Variants in HP1BP3 observed in about 807,000 individuals in gnomAD.
HP1BP3 encodes heterochromatin protein 1 binding protein 3, also known as heterochromatin protein 1-binding protein 3.
In HP1BP3, 12 loss-of-function variants were observed where a neutral mutation model predicts 62.5. The ratio of observed to expected loss-of-function variants is 0.19; its 90% CI spans 0.12 to 0.31. The LOEUF (loss-of-function observed/expected upper bound fraction) is 0.31, where lower values mean the gene tolerates loss of function less well. Among genes scored for constraint, HP1BP3 ranks in the 10% least tolerant of loss-of-function variants. The pLI, the probability that HP1BP3 is intolerant of heterozygous loss-of-function variation, is 1.00. For synonymous variants in HP1BP3, 260 were observed against 237.8 expected, an observed-to-expected ratio of 1.09 and a Z score of -0.86; for missense variants, 502 against 651.8, an observed-to-expected ratio of 0.77 and a Z score of 2.50.
At chr1:20,749,698 T>G in intron 10 of HP1BP3, 25 bp downstream of exon 10, 2 of 1,590,874 alleles carry the variant, frequency 1.3e-6, no homozygotes, top group Non-Finnish European at 1.7e-6. Flanking sequence ...CTAATCCCAG[T>G]TAAATATACA....
At position 20,740,558 on chromosome 1, in the gene HP1BP3, C is replaced by T. The variant is rs12130841; in HGVS notation, c.*4239G>A. On this transcript the variant is annotated 3_prime_UTR_variant, in exon 13 of 13. Coordinates refer to ENST00000438032, the MANE Select transcript of HP1BP3 (RefSeq NM_001372052.1). The stretch of plus-strand genomic sequence containing the variant: ...GAATAGGGCCAGGTATGGCGACTCA[C>T]GCCTGTAATCCTGGCACTTTGGAAA... Among the ~76,000 whole-genome samples the T allele has an allele frequency of 0.41, 61,947 of 152,168 alleles. 12,910 individuals are homozygous for T. The highest frequency in any genetic ancestry group is 0.42 in the African/African-American group (17,575 of 41,502).
chr1:20,758,890 C>T (rs996651375), intron 8 of HP1BP3, among the ~76,000 whole-genome samples: 7 of 147,086 alleles, frequency 4.8e-5, no homozygotes, highest in South Asian at 2.2e-4. Flanking sequence ...TAGGTTCAAG[C>T]GATCCTCCCG....
rs113729006 is a variant in HP1BP3 at position 20,764,350 on chromosome 1, G to GTT, written c.890+1025_890+1026dup. ...GTCTACACTCCTTTTTACTCTTATG[G>GTT]TTTTTTTTTTGAGACGGAGTTTTGC... On this transcript the variant is annotated intron_variant, in intron 8 of 12. Coordinates refer to ENST00000438032, the MANE Select transcript of HP1BP3 (RefSeq NM_001372052.1). Among the ~76,000 whole-genome samples the GTT allele has an allele frequency of 5.2e-3, 755 of 145,402 alleles. 7 individuals carry two copies. Among genetic ancestry groups the GTT allele is most frequent in the African/African-American group, 0.018 (724 of 39,742 alleles).
At chr1:20,752,254 A>AAAAC (rs1024914965) in intron 9 of HP1BP3, among the ~76,000 whole-genome samples, 1 of 152,110 alleles carries the variant, frequency 6.6e-6, no homozygotes, top group Non-Finnish European at 1.5e-5. Context: ...TCCATCTCAA[A>AAAAC]AAACAAACAA....
rs1308052493 is a variant in HP1BP3, at chr1:20,780,502, G to T, written c.-62C>A. 2 of 1,189,802 alleles carry T rather than the reference G, an allele frequency of 1.7e-6. No individual in the cohort carries two copies. The highest frequency in any genetic ancestry group is 1.5e-5 in the African/African-American group (1 of 66,730). 73.7% of individuals were successfully genotyped at this position (1,189,802 alleles called of 1,614,324 possible). ...CTGAAGCCTCTGCTGTTAACCACAA[G>T]GATTTTTCCTAATGGTTTCAGTGTG... On this transcript the variant is annotated 5_prime_UTR_variant, in exon 2 of 13. Coordinates refer to ENST00000438032, the MANE Select transcript of HP1BP3 (RefSeq NM_001372052.1).
Position 20,745,589 on chromosome 1 carries a change from ACTC to A in HP1BP3, c.1318_1320del (p.Glu440del). On this transcript the variant is annotated inframe_deletion, in exon 12 of 13. Coordinates refer to ENST00000438032, the MANE Select transcript of HP1BP3 (RefSeq NM_001372052.1). ...TCATCCTCAGAGTCTTCTTCTGATG[ACTC>A]ATCTTCATCTTCATCCTCATCTCTA... is the stretch of plus-strand genomic sequence containing the variant. 2 of 1,612,314 alleles carry A rather than the reference ACTC, an allele frequency of 1.2e-6. No homozygotes were observed. Among genetic ancestry groups the A allele is most frequent in the Non-Finnish European group, 1.7e-6 (2 of 1,178,532 alleles).
chr1:20,758,056 G>C (rs2056230674), intron 8 of HP1BP3, among the ~76,000 whole-genome samples: 1 of 152,110 alleles, frequency 6.6e-6, no homozygotes, highest in Non-Finnish European at 1.5e-5. Flanking sequence ...TGAAGCAGGA[G>C]AATCATTTGA....
intron 10 of HP1BP3, among the ~76,000 whole-genome samples, chr1:20,748,478 G>A (rs548211150): frequency 2.2e-4 from 34 of 152,218 alleles, no homozygotes; most frequent in Non-Finnish European, 1.9e-4. Flanking sequence ...CGGGCGTGGC[G>A]GCTCACGCCT....
rs1228804553 is a variant in HP1BP3 at position 20,755,579 on chromosome 1, CA to C, written c.981+1586del. The stretch of plus-strand genomic sequence containing the variant: ...GACAGAGTGAGACCCTATCTCAAAA[CA>C]AAACAAAACGACTTGAGCCCTTATA... On this transcript the variant is annotated intron_variant, in intron 9 of 12. Coordinates refer to ENST00000438032, the MANE Select transcript of HP1BP3 (RefSeq NM_001372052.1). 2.0e-5 allele frequency among the ~76,000 whole-genome samples: 3 copies of C among 151,136 alleles called. No individual in the cohort carries two copies. In the South Asian group the frequency reaches 6.5e-4, roughly 33 times the overall value.
At chr1:20,778,537 T>C (rs534375608) in intron 3 of HP1BP3, among the ~76,000 whole-genome samples, 5 of 152,382 alleles carry the variant, frequency 3.3e-5, no homozygotes, top group African/African-American at 9.6e-5. Context: ...TGGATTAAGA[T>C]GGACCACCAA....
intron 11 of HP1BP3, among the ~76,000 whole-genome samples, chr1:20,746,607 AT>A (rs1006177738): frequency 6.6e-6 from 1 of 152,100 alleles, no homozygotes; most frequent in South Asian, 2.1e-4. Context: ...TGATCAATAT[AT>A]TTTTTTGTTT....
intron 9 of HP1BP3, among the ~76,000 whole-genome samples, chr1:20,753,492 C>T (rs1021177296): frequency 1.3e-5 from 2 of 152,196 alleles, no homozygotes; most frequent in Non-Finnish European, 2.9e-5. Context: ...CAGTGGCCAA[C>T]ACCAATGATT....
intron 10 of HP1BP3, 90 bp downstream of exon 10, chr1:20,749,633 A>G (rs764633349): frequency 8.7e-6 from 11 of 1,270,110 alleles, no homozygotes; most frequent in Non-Finnish European, 1.1e-5. Context: ...TGCTGGGATT[A>G]CAGGCGTGAG....
chr1:20,763,901 T>G (rs147271719), intron 8 of HP1BP3, among the ~76,000 whole-genome samples: 1 of 152,296 alleles, frequency 6.6e-6, no homozygotes, highest in Non-Finnish European at 1.5e-5. Context: ...TATGCATATA[T>G]CTATCATATA....
intron 1 of HP1BP3, among the ~76,000 whole-genome samples, chr1:20,785,490 T>G (rs1001881141): frequency 6.6e-6 from 1 of 152,238 alleles, no homozygotes; most frequent in Non-Finnish European, 1.5e-5. Flanking sequence ...CACTCAGATT[T>G]AACGAGTCAT....
At chr1:20,759,463 A>C (rs1480794472) in intron 8 of HP1BP3, among the ~76,000 whole-genome samples, 3 of 152,208 alleles carry the variant, frequency 2.0e-5, no homozygotes, top group Non-Finnish European at 4.4e-5. Flanking sequence ...TTCTTTGTAT[A>C]TGTTTGAAAA....
chr1:20,785,951 T>G (rs1046244516), intron 1 of HP1BP3, among the ~76,000 whole-genome samples: 3 of 152,202 alleles, frequency 2.0e-5, no homozygotes, highest in Non-Finnish European at 4.4e-5. Flanking sequence ...GACAGCGTGC[T>G]CAAAAAGCCC....
intron 6 of HP1BP3, among the ~76,000 whole-genome samples, chr1:20,770,415 A>G (rs2057004364): frequency 1.3e-5 from 2 of 152,198 alleles, no homozygotes; most frequent in African/African-American, 4.8e-5. Flanking sequence ...TCCCAGGCTC[A>G]AGCGGTCCTC....
chr1:20,760,358 G>T (rs888098843), intron 8 of HP1BP3, among the ~76,000 whole-genome samples: 2 of 152,062 alleles, frequency 1.3e-5, no homozygotes, highest in African/African-American at 4.8e-5. Flanking sequence ...GGCAATGTAG[G>T]GAGATTCTGT....
Sources: allele counts gnomAD v4.1 joint callset (sites outside exome capture counted in the v4.1 genomes callset), GRCh38; gene constraint gnomAD v4.1.1; transcripts MANE v1.5; gene names NCBI Gene and HGNC (gene_info 2026-07-23, HGNC 2026-07-21).